The following ANKRD29 variants were observed in gnomAD, a reference collection of about 807,000 sequenced individuals.
ANKRD29 encodes the protein ankyrin repeat domain 29.
ANKRD29 carries 32 observed loss-of-function variants against 38.0 expected under a neutral mutation model. The ratio of observed to expected loss-of-function variants is 0.84; its 90% CI spans 0.64 to 1.13. The LOEUF (loss-of-function observed/expected upper bound fraction) is 1.13. ANKRD29 is among the 50% of genes most tolerant of loss of function. The pLI is 0.00. For synonymous variants in ANKRD29, 135 were observed against 152.4 expected, an observed-to-expected ratio of 0.89 and a Z score of 0.84; for missense variants, 357 against 377.9, an observed-to-expected ratio of 0.94 and a Z score of 0.46.
At chr18:23,652,694 T>C (rs1229824400) in intron 1 of ANKRD29, among the ~76,000 whole-genome samples, 1 of 152,216 alleles carries the variant, frequency 6.6e-6, no homozygotes, top group Non-Finnish European at 1.5e-5. Flanking sequence ...GTAAAGCACT[T>C]TACCAAGCAT....
At chr18:23,651,343 C>T (rs554215736) in intron 1 of ANKRD29, among the ~76,000 whole-genome samples, 113 of 152,330 alleles carry the variant, frequency 7.4e-4, no homozygotes, top group Middle Eastern at 3.4e-3. Flanking sequence ...AGGCAAACTG[C>T]AACCATGGTT....
intron 9 of ANKRD29, among the ~76,000 whole-genome samples, chr18:23,607,948 C>G (rs891603979): frequency 2.6e-5 from 4 of 152,220 alleles, no homozygotes; most frequent in African/African-American, 9.6e-5. Context: ...GTTGGGGCCA[C>G]TGGTTGGCCT....
intron 8 of ANKRD29, among the ~76,000 whole-genome samples, chr18:23,612,443 C>G (rs1397302665): frequency 6.6e-6 from 1 of 152,216 alleles, no homozygotes; most frequent in Non-Finnish European, 1.5e-5. Flanking sequence ...GGACACATGA[C>G]TTCATGGTCA....
At chr18:23,612,617 G>C (rs2059657949) in intron 8 of ANKRD29, among the ~76,000 whole-genome samples, 1 of 152,146 alleles carries the variant, frequency 6.6e-6, no homozygotes, top group Non-Finnish European at 1.5e-5. Context: ...TAGCCAACGG[G>C]CTGACCTGTC....
chr18:23,601,748 C>T (rs1163286226), intron 9 of ANKRD29, among the ~76,000 whole-genome samples: 1 of 151,954 alleles, frequency 6.6e-6, no homozygotes, highest in East Asian at 1.9e-4. Context: ...TGGCTCACTG[C>T]AGCGTTGACC....
At chr18:23,654,455 A>G (rs2060252624) in intron 1 of ANKRD29, among the ~76,000 whole-genome samples, 1 of 151,596 alleles carries the variant, frequency 6.6e-6, no homozygotes, top group South Asian at 2.1e-4. Context: ...CCCTGTTTCT[A>G]CTAAAAATAC....
chr18:23,632,975 A>G (rs762338854), intron 5 of ANKRD29, among the ~76,000 whole-genome samples: 12 of 152,200 alleles, frequency 7.9e-5, no homozygotes, highest in Non-Finnish European at 1.5e-4. Context: ...CTATGAAAGT[A>G]TAGTGCCCCA....
intron 4 of ANKRD29, among the ~76,000 whole-genome samples, chr18:23,634,902 A>T (rs2059983157): frequency 6.6e-6 from 1 of 152,180 alleles, no homozygotes; most frequent in South Asian, 2.1e-4. Flanking sequence ...ACCCAGTGGT[A>T]AGCCACTGAG....
At chr18:23,654,897 A>G (rs948238403) in intron 1 of ANKRD29, among the ~76,000 whole-genome samples, 9 of 152,210 alleles carry the variant, frequency 5.9e-5, no homozygotes, top group Non-Finnish European at 1.5e-5. Flanking sequence ...AAGAGGGGGT[A>G]GAAATTTAAA....
At chr18:23,608,630 T>C (rs2059601587) in intron 9 of ANKRD29, among the ~76,000 whole-genome samples, 1 of 152,192 alleles carries the variant, frequency 6.6e-6, no homozygotes, top group African/African-American at 2.4e-5. Context: ...GTGAAAGAAA[T>C]CAGACCTAAC....
rs978805465 is a variant in ANKRD29 at position 23,619,572 on chromosome 18, C to A, written c.586G>T (p.Val196Leu). ...CGGTCGGCTCCGCGCAGCAGCATCA[C>A]CCGCACCACCTCGCTGTGGCCCATC... Reference protein sequence around the residue: ...SQMGHSEVVRVMLLRGADRDA... With the variant: ...SQMGHSEVVRLMLLRGADRDA... Residue 196 changes from valine (V) to leucine (L), a missense_variant, in exon 7 of 10, where the codon GTG (valine) becomes TTG (leucine). Coordinates refer to ENST00000592179, the MANE Select transcript of ANKRD29 (RefSeq NM_173505.4). The A allele has an allele frequency of 3.8e-6, 6 of 1,597,758 alleles. No individual in the cohort carries two copies. The highest frequency in any genetic ancestry group is 5.1e-6 in the Non-Finnish European group (6 of 1,179,126).
At chr18:23,643,683 G>A (rs1035925906) in intron 3 of ANKRD29, among the ~76,000 whole-genome samples, 4 of 152,218 alleles carry the variant, frequency 2.6e-5, no homozygotes, top group African/African-American at 9.6e-5. Flanking sequence ...CATGCCAACT[G>A]TATGTGCAGC....
At chr18:23,617,960 C>G in intron 7 of ANKRD29, 133 bp from the exon 8 acceptor site, 1 of 639,622 alleles carries the variant, frequency 1.6e-6, no homozygotes, top group Non-Finnish European at 2.7e-6. Context: ...TCAGCAATGT[C>G]TCTTAATCTA....
rs764250618 is a variant in ANKRD29, at chr18:23,600,611, G to A, written c.*615C>T. ...AAATGCACAGTCTGTCTTTTCTATA[G>A]TTCAATAGTCCATCTTTGAATAGCA... is the stretch of plus-strand genomic sequence containing the variant. On this transcript the variant is annotated 3_prime_UTR_variant, in exon 10 of 10. Transcript: ENST00000592179. The A allele has an allele frequency of 2.6e-5, 4 of 152,610 alleles. No individual in the cohort carries two copies. Among genetic ancestry groups the A allele is most frequent in the Non-Finnish European group, 5.9e-5 (4 of 68,032 alleles). 9.5% of individuals were successfully genotyped at this position (152,610 alleles called of 1,614,324 possible).
chr18:23,652,558 C>T (rs2145733704), intron 1 of ANKRD29, among the ~76,000 whole-genome samples: 1 of 152,252 alleles, frequency 6.6e-6, no homozygotes, highest in Middle Eastern at 3.4e-3. Flanking sequence ...CATCACATTC[C>T]CTGGATAACT....
intron 8 of ANKRD29, among the ~76,000 whole-genome samples, chr18:23,613,528 G>T (rs1232894311): frequency 6.6e-6 from 1 of 151,850 alleles, no homozygotes; most frequent in African/African-American, 2.4e-5. Context: ...ATTTTGCAAA[G>T]TTCAAGCTTT....
At position 23,646,178 on chromosome 18, in the gene ANKRD29, G is replaced by T; in HGVS notation, c.231+11C>A. 1 of 1,613,474 alleles carries T rather than the reference G, an allele frequency of 6.2e-7. No individual in the cohort carries two copies. Among genetic ancestry groups the T allele is most frequent in the Non-Finnish European group, 8.5e-7 (1 of 1,179,596 alleles). ...CTGGTCATTTTTCTTCAAGTGCAAAGCCTGACCTACCTCTCTCTGGAGATT... is the reference window on the plus strand; with the variant it reads ...CTGGTCATTTTTCTTCAAGTGCAAATCCTGACCTACCTCTCTCTGGAGATT... On this transcript the variant is annotated intron_variant, in intron 3 of 9. Transcript: ENST00000592179.
intron 3 of ANKRD29, among the ~76,000 whole-genome samples, chr18:23,642,850 G>A (rs185780443): frequency 2.0e-3 from 303 of 152,324 alleles, no homozygotes; most frequent in Non-Finnish European, 3.5e-3. Flanking sequence ...ACACCTGAAG[G>A]TGGAGATTTA....
At chr18:23,635,011 T>C (rs1390229688) in intron 4 of ANKRD29, among the ~76,000 whole-genome samples, 1 of 152,228 alleles carries the variant, frequency 6.6e-6, no homozygotes, top group Non-Finnish European at 1.5e-5. Context: ...ACATTCTGTG[T>C]GTCTCTCACT....
Sources: gnomAD v4.1 joint callset for allele counts (sites outside exome capture counted in the v4.1 genomes callset) on GRCh38, gnomAD v4.1.1 for gene constraint, MANE v1.5 for transcripts, NCBI Gene and HGNC (gene_info 2026-07-23, HGNC 2026-07-21) for gene names.